The following RABGAP1L variants were observed in gnomAD, a reference collection of about 807,000 sequenced individuals.
RABGAP1L encodes RAB GTPase activating protein 1 like.
A neutral mutation model predicts 137.7 loss-of-function variants in RABGAP1L; 63 were observed. That is an observed-to-expected ratio of 0.46 (90% CI 0.37 to 0.56). The LOEUF (loss-of-function observed/expected upper bound fraction) is 0.56. RABGAP1L is among the 20% of genes least tolerant of loss of function. The pLI is 0.00. For missense variants in RABGAP1L, 1,095 were observed against 1,244.0 expected, an observed-to-expected ratio of 0.88 and a Z score of 1.80; for synonymous variants, 431 against 433.7, an observed-to-expected ratio of 0.99 and a Z score of 0.08.
chr1:174,378,899 C>G (rs1168592313), intron 12 of RABGAP1L, among the ~76,000 whole-genome samples: 1 of 127,634 alleles, frequency 7.8e-6, no homozygotes, highest in Non-Finnish European at 1.7e-5. Flanking sequence ...AGGTTTTCTT[C>G]TAGGGTTTTT....
At chr1:174,462,560 G>A (rs576928944) in intron 13 of RABGAP1L, among the ~76,000 whole-genome samples, 1 of 151,902 alleles carries the variant, frequency 6.6e-6, no homozygotes, top group Non-Finnish European at 1.5e-5. Context: ...TAGGTTCAGG[G>A]GCTATATGTG....
At chr1:174,241,728 CTGTTGTATAAATA>C in intron 5 of RABGAP1L, 71 bp downstream of exon 5, 1 of 1,217,004 alleles carries the variant, frequency 8.2e-7, no homozygotes, top group Middle Eastern at 2.0e-4. Flanking sequence ...TCTAATTTCA[CTGTTGTATAAATA>C]TGTTACATAA....
chr1:174,480,303 C>T (rs745566429), intron 13 of RABGAP1L, among the ~76,000 whole-genome samples: 9 of 152,176 alleles, frequency 5.9e-5, no homozygotes, highest in Non-Finnish European at 1.3e-4. Context: ...TGTTTAATGT[C>T]AGCCAAAGTG....
intron 11 of RABGAP1L, among the ~76,000 whole-genome samples, chr1:174,347,118 T>A (rs893907320): frequency 6.6e-6 from 1 of 150,490 alleles, no homozygotes; most frequent in Non-Finnish European, 1.5e-5. Flanking sequence ...AATTTAATAC[T>A]TTTTTTTGGC....
chr1:174,363,242 C>T (rs1346735489), intron 11 of RABGAP1L, among the ~76,000 whole-genome samples: 2 of 152,144 alleles, frequency 1.3e-5, no homozygotes, highest in East Asian at 3.8e-4. Flanking sequence ...TTTCTTTTTG[C>T]TTAGGATTGC....
intron 11 of RABGAP1L, among the ~76,000 whole-genome samples, chr1:174,353,411 T>C (rs1683360495): frequency 6.6e-6 from 1 of 152,170 alleles, no homozygotes; most frequent in Non-Finnish European, 1.5e-5. Flanking sequence ...ACCTAGTGTC[T>C]ATCTAGATCA....
At chr1:174,183,489 G>A (rs935473870) in intron 1 of RABGAP1L, among the ~76,000 whole-genome samples, 3 of 152,202 alleles carry the variant, frequency 2.0e-5, no homozygotes, top group Admixed American at 2.0e-4. Flanking sequence ...GCAAAACTGA[G>A]CAGAAAGTAC....
chr1:174,696,337 C>T lies in RABGAP1L; in HGVS notation c.1900-3188C>T, dbSNP rs1423952043. Among the ~76,000 whole-genome samples, 5 of 151,910 alleles carry T rather than the reference C, an allele frequency of 3.3e-5. No individual in the cohort carries two copies. In the South Asian group the frequency reaches 1.0e-3, roughly 32 times the overall value. ...AAGGAGTATCTCCCAAGCTGCCCTG[C>T]CTGGAGTTGGGGAAGGGGTGTAAGT... On this transcript the variant is annotated intron_variant, in intron 15 of 25. Transcript: ENST00000681986.
In RABGAP1L at chr1:174,397,810, C is replaced by T. The variant is rs371998027; in HGVS notation, c.1710+3665C>T. On this transcript the variant is annotated intron_variant, in intron 13 of 25. Transcript: ENST00000681986. ...TGTTCAAGACTTCTGACATCAGCCA[C>T]AATTTGGGGGTTCTTAGTGCCACCC... Among the ~76,000 whole-genome samples the T allele has an allele frequency of 8.5e-5, 13 of 152,302 alleles. 1 individual carries two copies. Among genetic ancestry groups the T allele is most frequent in the African/African-American group, 3.1e-4 (13 of 41,580 alleles).
intron 16 of RABGAP1L, chr1:174,700,658 G>T (rs895502302): frequency 6.3e-6 from 1 of 158,862 alleles, no homozygotes; most frequent in Non-Finnish European, 1.4e-5. Context: ...AAATTGAAAA[G>T]AAATAAAAGG....
rs992247250 is a variant in RABGAP1L at position 174,621,548 on chromosome 1, G to A, written c.1711-15827G>A. Among the ~76,000 whole-genome samples, 12 of 151,804 alleles carry A rather than the reference G, an allele frequency of 7.9e-5. No homozygotes were observed. The South Asian group carries it at 1.9e-3, about 24-fold the overall frequency. On this transcript the variant is annotated intron_variant, in intron 13 of 25. Coordinates refer to ENST00000681986, the MANE Select transcript of RABGAP1L (RefSeq NM_001366446.1). ...AGAACAGAGCCCTCAGAAGTAACAC[G>A]GCATATCTAAACCATCTGATCTTTG...
At chr1:174,559,707 T>A (rs1667088367) in intron 13 of RABGAP1L, among the ~76,000 whole-genome samples, 2 of 152,192 alleles carry the variant, frequency 1.3e-5, no homozygotes, top group Non-Finnish European at 2.9e-5. Context: ...TCTATTGAAG[T>A]CCTCATGATG....
intron 13 of RABGAP1L, among the ~76,000 whole-genome samples, chr1:174,446,856 A>C (rs1483818655): frequency 6.6e-6 from 1 of 152,236 alleles, no homozygotes; most frequent in Non-Finnish European, 1.5e-5. Flanking sequence ...GAAAATAGAA[A>C]AGGTATAGCA....
chr1:174,478,011 A>C (rs542337024), intron 13 of RABGAP1L, among the ~76,000 whole-genome samples: 86 of 152,248 alleles, frequency 5.6e-4, no homozygotes, highest in African/African-American at 1.9e-3. Flanking sequence ...AATTACTTTA[A>C]TATGATTCTG....
At chr1:174,232,631 A>C (rs1221252365) in intron 4 of RABGAP1L, among the ~76,000 whole-genome samples, 1 of 151,710 alleles carries the variant, frequency 6.6e-6, no homozygotes, top group Non-Finnish European at 1.5e-5. Context: ...AAAATACAAA[A>C]AATTAGCTGG....
At chr1:174,317,378 TG>T (rs1679480402) in intron 11 of RABGAP1L, among the ~76,000 whole-genome samples, 1 of 152,078 alleles carries the variant, frequency 6.6e-6, no homozygotes, top group African/African-American at 2.4e-5. Flanking sequence ...CTGCTGGGAT[TG>T]GGTTTTTTCC....
intron 19 of RABGAP1L, among the ~76,000 whole-genome samples, chr1:174,936,677 A>G (rs1385715159): frequency 6.6e-6 from 1 of 152,204 alleles, no homozygotes; most frequent in African/African-American, 2.4e-5. Flanking sequence ...CACCTTATAG[A>G]GACAACAAAG....
chr1:174,417,975 T>C (rs1650802645), intron 13 of RABGAP1L, among the ~76,000 whole-genome samples: 1 of 152,230 alleles, frequency 6.6e-6, no homozygotes, highest in Non-Finnish European at 1.5e-5. Flanking sequence ...TTTTTTTATA[T>C]TGTGATAAAA....
At chr1:174,627,337 C>T (rs142247272) in intron 13 of RABGAP1L, among the ~76,000 whole-genome samples, 1,528 of 152,324 alleles carry the variant, frequency 0.01, 15 homozygotes, top group South Asian at 0.023. Context: ...TCATACAAAG[C>T]TGTCTTCCTA....
Sources: gnomAD v4.1 joint callset for allele counts (sites outside exome capture counted in the v4.1 genomes callset) on GRCh38, gnomAD v4.1.1 for gene constraint, MANE v1.5 for transcripts, NCBI Gene and HGNC (gene_info 2026-07-23, HGNC 2026-07-21) for gene names.